The following AKAP10 variants were observed in gnomAD, a reference collection of about 807,000 sequenced individuals.
AKAP10 encodes the protein A-kinase anchor protein 10, mitochondrial.
In AKAP10, 24 loss-of-function variants were observed where a neutral mutation model predicts 80.8. That is an observed-to-expected ratio of 0.30 (90% confidence interval 0.22 to 0.42). The LOEUF (loss-of-function observed/expected upper bound fraction) is 0.42, where lower values mean the gene tolerates loss of function less well. AKAP10 is among the 10% of genes least tolerant of loss of function. The pLI is 1.00. For missense variants in AKAP10, 661 were observed against 794.9 expected (o/e 0.83, Z 2.03); for synonymous variants, 291 against 277.7 (o/e 1.05, Z -0.48).
chr17:19,963,103 T>C, intron 2 of AKAP10, 81 bp from the exon 3 acceptor site: 2 of 1,229,438 alleles, frequency 1.6e-6, no homozygotes, highest in Non-Finnish European at 2.2e-6. Context: ...TCAGAGAACT[T>C]TAAAAATTAA....
intron 12 of AKAP10, among the ~76,000 whole-genome samples, chr17:19,913,585 A>C (rs203458): frequency 0.42 from 64,395 of 152,042 alleles, 14,379 homozygotes; most frequent in African/African-American, 0.57. Context: ...CTGTGCCCAG[A>C]CTTCAATTTC....
At chr17:19,919,680 C>G (rs1294472699) in intron 12 of AKAP10, among the ~76,000 whole-genome samples, 2 of 147,490 alleles carry the variant, frequency 1.4e-5, no homozygotes, top group African/African-American at 5.0e-5. Context: ...CAAGAACTGT[C>G]TCAAAAAAAA....
intron 4 of AKAP10, among the ~76,000 whole-genome samples, chr17:19,957,097 C>A (rs1029663650): frequency 3.9e-5 from 6 of 151,978 alleles, no homozygotes; most frequent in Admixed American, 3.9e-4. Context: ...TAATCAAAAT[C>A]CCAGGTGATA....
At chr17:19,924,167 A>G (rs984116381) in intron 11 of AKAP10, among the ~76,000 whole-genome samples, 1 of 152,192 alleles carries the variant, frequency 6.6e-6, no homozygotes, top group Non-Finnish European at 1.5e-5. Flanking sequence ...CTCATTTTAC[A>G]GATGAAGAAA....
chr17:19,953,212 T>C (rs1274741972), intron 4 of AKAP10, among the ~76,000 whole-genome samples: 1 of 152,078 alleles, frequency 6.6e-6, no homozygotes, highest in African/African-American at 2.4e-5. Flanking sequence ...ATTTCATTTG[T>C]GCTCAGTTCA....
At chr17:19,923,947 TAATC>T (rs1393626426) in intron 11 of AKAP10, among the ~76,000 whole-genome samples, 1 of 152,216 alleles carries the variant, frequency 6.6e-6, no homozygotes, top group Non-Finnish European at 1.5e-5. Flanking sequence ...CTTTACATGT[TAATC>T]AAGCTATCTT....
Position 19,952,116 on chromosome 17 carries a change from T to C in AKAP10, c.878-4611A>G, listed in dbSNP as rs530907668. Reference sequence around the variant, plus strand: ...GTAAATAATTATACTAAAATTTATATTAAAATAATTAAATTTACCAACAAA... The same window carrying C: ...GTAAATAATTATACTAAAATTTATACTAAAATAATTAAATTTACCAACAAA... On this transcript the variant is annotated intron_variant, in intron 4 of 14. Coordinates refer to ENST00000225737, the MANE Select transcript of AKAP10 (RefSeq NM_007202.4). Among the ~76,000 whole-genome samples the C allele has an allele frequency of 2.0e-5, 3 of 150,278 alleles. No individual in the cohort carries two copies. In the East Asian group the frequency reaches 5.8e-4, roughly 29 times the overall value.
In AKAP10 at chr17:19,932,025, C is replaced by T. The variant is rs766685169; in HGVS notation, c.1468-47G>A. The T allele has an allele frequency of 7.2e-6, 11 of 1,525,326 alleles. No homozygotes were observed. In the Admixed American group the frequency reaches 2.2e-4, roughly 30 times the overall value. The allele number at this position is 1,525,326 out of a possible 1,614,324, so 94.5% of individuals were successfully genotyped here. ...ATTTTAAAGTTGAAATCAAATCCAA[C>T]TAAAACTGTTTTAAATAAATAAATT... On this transcript the variant is annotated intron_variant, in intron 9 of 14. Transcript: ENST00000225737.
chr17:19,958,955 C>A (rs1305069092), intron 3 of AKAP10, among the ~76,000 whole-genome samples: 1 of 149,020 alleles, frequency 6.7e-6, no homozygotes, highest in Non-Finnish European at 1.5e-5. Flanking sequence ...CGGGTTCAAG[C>A]GATTCTCTTG....
intron 3 of AKAP10, among the ~76,000 whole-genome samples, chr17:19,962,119 AAAAT>A (rs1434763492): frequency 6.6e-6 from 1 of 152,196 alleles, no homozygotes; most frequent in Admixed American, 6.5e-5. Flanking sequence ...CTGTCTCAAG[AAAAT>A]AAATAAATAG....
At chr17:19,917,538 C>T (rs1179484860) in intron 12 of AKAP10, among the ~76,000 whole-genome samples, 1 of 152,180 alleles carries the variant, frequency 6.6e-6, no homozygotes, top group Non-Finnish European at 1.5e-5. Context: ...GGCGTGATCA[C>T]AATTCACTGC....
At chr17:19,950,683 C>T (rs2043191500) in intron 4 of AKAP10, among the ~76,000 whole-genome samples, 1 of 152,252 alleles carries the variant, frequency 6.6e-6, no homozygotes, top group Non-Finnish European at 1.5e-5. Context: ...CAGCCGCCTG[C>T]CTTGGCCTCC....
At chr17:19,960,292 T>C (rs1246143659) in intron 3 of AKAP10, among the ~76,000 whole-genome samples, 1 of 152,232 alleles carries the variant, frequency 6.6e-6, no homozygotes, top group African/African-American at 2.4e-5. Flanking sequence ...ACTGCCAAGA[T>C]ACAACTTCAA....
At chr17:19,975,313 T>C (rs1212784068) in intron 1 of AKAP10, among the ~76,000 whole-genome samples, 10 of 152,198 alleles carry the variant, frequency 6.6e-5, no homozygotes, top group Non-Finnish European at 1.5e-4. Context: ...ACCACCATGT[T>C]TGGCATCTCG....
intron 11 of AKAP10, among the ~76,000 whole-genome samples, chr17:19,923,364 C>T (rs951536453): frequency 1.3e-5 from 2 of 152,142 alleles, no homozygotes; most frequent in Non-Finnish European, 2.9e-5. Context: ...AGGCGTGAGC[C>T]ACCGTGCCCG....
At chr17:19,971,761 A>G (rs2043500867) in intron 1 of AKAP10, among the ~76,000 whole-genome samples, 1 of 152,250 alleles carries the variant, frequency 6.6e-6, no homozygotes, top group Admixed American at 6.5e-5. Context: ...TCCTATGCAT[A>G]TAAGCAAGAA....
In AKAP10 at chr17:19,906,134, T is replaced by C. The variant is rs2042629587; in HGVS notation, c.*93A>G. The C allele has an allele frequency of 1.5e-6, 2 of 1,338,090 alleles. No homozygotes were observed. The highest frequency in any genetic ancestry group is 3.6e-5 in the Admixed American group (2 of 55,222). The allele number at this position is 1,338,090 out of a possible 1,614,324, so 82.9% of individuals were successfully genotyped here. A position where few individuals can be genotyped will look rare whatever the true frequency, so the allele number is the denominator to read the frequency against. ...CAACAGTGACAGATCAGAAATATAG[T>C]GCTGTTTTCATTGGCTGTGTTGAAG... On this transcript the variant is annotated 3_prime_UTR_variant, in exon 15 of 15. Coordinates refer to ENST00000225737, the MANE Select transcript of AKAP10 (RefSeq NM_007202.4).
intron 2 of AKAP10, among the ~76,000 whole-genome samples, chr17:19,963,643 GC>G (rs1218193921): frequency 1.3e-5 from 2 of 151,972 alleles, no homozygotes; most frequent in African/African-American, 4.8e-5. Context: ...GCCTGCAATC[GC>G]AGTACTTTGG....
At position 19,906,104 on chromosome 17, in the gene AKAP10, G is replaced by A. The variant is rs966376347; in HGVS notation, c.*123C>T. ...CTAGGATTGTCTCCCATTCTCTCCT[G>A]GAAACAACAGTGACAGATCAGAAAT... On this transcript the variant is annotated 3_prime_UTR_variant, in exon 15 of 15. Transcript: ENST00000225737. The A allele has an allele frequency of 7.2e-6, 8 of 1,110,832 alleles. No individual in the cohort carries two copies. In the African/African-American group the frequency reaches 1.3e-4, roughly 17 times the overall value. 68.8% of individuals were successfully genotyped at this position (1,110,832 alleles called of 1,614,324 possible).
Sources: gnomAD v4.1 joint callset for allele counts (sites outside exome capture counted in the v4.1 genomes callset) on GRCh38, gnomAD v4.1.1 for gene constraint, MANE v1.5 for transcripts, NCBI Gene and HGNC (gene_info 2026-07-23, HGNC 2026-07-21) for gene names.